Variants in PTPRF observed in about 807,000 individuals in gnomAD.
PTPRF encodes the protein receptor-type tyrosine-protein phosphatase F.
In PTPRF, 59 loss-of-function variants were observed where a neutral mutation model predicts 201.8. The ratio of observed to expected loss-of-function variants is 0.29; its 90% CI spans 0.24 to 0.36. PTPRF has a LOEUF of 0.36. Among genes scored for constraint, PTPRF ranks in the 10% least tolerant of loss-of-function variants. PTPRF has a pLI of 1.00. For synonymous variants in PTPRF, 1,088 were observed against 1,089.7 expected (o/e 1.00, Z 0.03); for missense variants, 2,132 against 2,690.5 (o/e 0.79, Z 4.59).
At chr1:43,579,030 C>T in intron 7 of PTPRF, 110 bp downstream of exon 7, 2 of 962,510 alleles carry the variant, frequency 2.1e-6, no homozygotes, top group African/African-American at 3.2e-5. Flanking sequence ...GCCATGGGCC[C>T]AGTCTCTTCT....
In PTPRF at chr1:43,588,343, A is replaced by G. The variant is rs937749138; in HGVS notation, c.680-388A>G. On this transcript the variant is annotated intron_variant, in intron 7 of 33. Coordinates refer to ENST00000359947, the MANE Select transcript of PTPRF (RefSeq NM_002840.5). The surrounding 1 kb of genome is among the most constrained non-coding windows in gnomAD (Gnocchi z 5.3). ...TCTCCTTGGTGCTCCAGCCAGGAGCAGGCAGAGATAGGCCCTGGAGAACAC... is the reference window on the plus strand; with the variant it reads ...TCTCCTTGGTGCTCCAGCCAGGAGCGGGCAGAGATAGGCCCTGGAGAACAC... Among the ~76,000 whole-genome samples the G allele has an allele frequency of 6.6e-6, 1 of 152,150 alleles. No homozygotes were observed. Among genetic ancestry groups the G allele is most frequent in the Non-Finnish European group, 1.5e-5 (1 of 68,016 alleles).
chr1:43,621,581 G>A (rs1055742393), intron 33 of PTPRF, among the ~76,000 whole-genome samples: 1 of 152,238 alleles, frequency 6.6e-6, no homozygotes. Flanking sequence ...GGATTGATGA[G>A]TAAGATGTGT....
intron 11 of PTPRF, among the ~76,000 whole-genome samples, chr1:43,595,472 G>A (rs974063783): frequency 1.3e-5 from 2 of 152,142 alleles, no homozygotes; most frequent in Non-Finnish European, 2.9e-5. Flanking sequence ...CGCCCGCCTC[G>A]ACCTCCCAAG....
In PTPRF at chr1:43,603,696, C is replaced by T. The variant is rs374615511; in HGVS notation, c.2544C>T (p.Gly848=). The T allele has an allele frequency of 8.0e-5, 129 of 1,613,574 alleles. No individual in the cohort carries two copies. The highest frequency in any genetic ancestry group is 1.0e-4 in the Non-Finnish European group (119 of 1,180,012). ...GGCACCCACCCAAGGAACTGCCTGG[C>T]GAGCTGCTGGGCTACCGGCTGCAGT... The part of the protein sequence containing the change: ...LQWHPPKELP[G]ELLGYRLQYC... The change falls in exon 16 of 34, where the codon GGC becomes GGT. Residue 848 remains glycine, a synonymous_variant. Transcript: ENST00000359947. This position sits in a 1 kb window ranked among gnomAD's most constrained non-coding sequence, Gnocchi z 5.8.
At chr1:43,618,912 G>T in intron 26 of PTPRF, 136 bp from the exon 27 acceptor site, 3 of 1,444,024 alleles carry the variant, frequency 2.1e-6, no homozygotes, top group Non-Finnish European at 2.8e-6. Flanking sequence ...ACAGTGCTAG[G>T]AGCTTCAGGC....
Position 43,603,943 on chromosome 1 carries a change from A to G in PTPRF, c.2791A>G (p.Thr931Ala). 1.2e-6 allele frequency: 2 copies of G among 1,614,076 alleles called. No homozygotes were observed. Among genetic ancestry groups the G allele is most frequent in the Non-Finnish European group, 8.5e-7 (1 of 1,180,026 alleles). ...NLHVTGLTTS[T>A]TELAWDPPVL... ...GCATGTGACAGGACTGACCACGTCT[A>G]CCACAGAACTGGCCTGGGACCCGCC... The change falls in exon 16 of 34, where the codon ACC becomes GCC. Residue 931 changes from threonine (T) to alanine (A), a missense_variant. Coordinates refer to ENST00000359947, the MANE Select transcript of PTPRF (RefSeq NM_002840.5). The surrounding 1 kb of genome is among the most constrained non-coding windows in gnomAD (Gnocchi z 5.8).
At chr1:43,621,626 G>A (rs1659237283) in intron 33 of PTPRF, among the ~76,000 whole-genome samples, 1 of 152,200 alleles carries the variant, frequency 6.6e-6, no homozygotes, top group Non-Finnish European at 1.5e-5. Flanking sequence ...GAGCCCCAGT[G>A]GTGTGCCTGG....
intron 5 of PTPRF, among the ~76,000 whole-genome samples, chr1:43,562,400 G>T (rs1023413521): frequency 6.7e-6 from 1 of 150,244 alleles, no homozygotes; most frequent in African/African-American, 2.5e-5. Flanking sequence ...GAGCCACCGC[G>T]CCTGGCCCTG....
chr1:43,542,225 T>G lies in PTPRF; in HGVS notation c.-45-2806T>G, dbSNP rs988025761. 6.6e-6 allele frequency among the ~76,000 whole-genome samples: 1 copy of G among 152,118 alleles called. No individual in the cohort carries two copies. The highest frequency in any genetic ancestry group is 6.5e-5 in the Admixed American group (1 of 15,276). On this transcript the variant is annotated intron_variant, in intron 2 of 33. Coordinates refer to ENST00000359947, the MANE Select transcript of PTPRF (RefSeq NM_002840.5). The surrounding 1 kb of genome is among the most constrained non-coding windows in gnomAD (Gnocchi z 5.2). ...CCGCCTGACACCAGGGCAGGCTCTG[T>G]GCCCGGAGTCTCAGGGCGGGAGGCA...
chr1:43,540,189 C>A (rs535371666), intron 2 of PTPRF, among the ~76,000 whole-genome samples: 9 of 152,314 alleles, frequency 5.9e-5, no homozygotes, highest in African/African-American at 2.2e-4. Context: ...AGCATCTCCC[C>A]GCTTTCCCCA....
chr1:43,595,434 G>C (rs2154018896), intron 11 of PTPRF, among the ~76,000 whole-genome samples: 1 of 152,170 alleles, frequency 6.6e-6, no homozygotes, highest in Non-Finnish European at 1.5e-5. Flanking sequence ...GTTAGCCAGG[G>C]TGGTCTGGAT....
chr1:43,580,606 G>A (rs1036668558), intron 7 of PTPRF, among the ~76,000 whole-genome samples: 2 of 152,198 alleles, frequency 1.3e-5, no homozygotes, highest in African/African-American at 2.4e-5. Flanking sequence ...AGTTGTAAGC[G>A]GCACAGCCTT....
At chr1:43,621,891 G>A (rs532939767) in intron 33 of PTPRF, 44 bp from the exon 34 acceptor site, 2 of 1,582,052 alleles carry the variant, frequency 1.3e-6, no homozygotes, top group East Asian at 2.2e-5. Context: ...TAGTGGGGGT[G>A]TCCACTGGCG....
At chr1:43,620,270 C>T (rs1260398077) in intron 30 of PTPRF, 49 bp downstream of exon 30, 2 of 1,607,198 alleles carry the variant, frequency 1.2e-6, no homozygotes, top group Admixed American at 3.4e-5. Context: ...GGGAGAACAC[C>T]AGCCACCCTT....
chr1:43,547,829 T>A (rs151007966), intron 3 of PTPRF, among the ~76,000 whole-genome samples: 3 of 152,306 alleles, frequency 2.0e-5, no homozygotes, highest in Admixed American at 6.5e-5. Flanking sequence ...TGGGGTAGGA[T>A]CTGCTGCAGC....
chr1:43,617,051 T>C (rs990780201), intron 23 of PTPRF, among the ~76,000 whole-genome samples: 9 of 151,934 alleles, frequency 5.9e-5, no homozygotes, highest in African/African-American at 2.2e-4. Context: ...TTTCATTAGG[T>C]GAATGCAGGG....
chr1:43,541,638 C>T (rs931929771), intron 2 of PTPRF, among the ~76,000 whole-genome samples: 1 of 152,176 alleles, frequency 6.6e-6, no homozygotes, highest in Admixed American at 6.5e-5. Context: ...TCTGCTGTCC[C>T]CATCATTTCA....
chr1:43,532,264 GC>G (rs1643638342), intron 1 of PTPRF, among the ~76,000 whole-genome samples: 1 of 152,140 alleles, frequency 6.6e-6, no homozygotes, highest in Non-Finnish European at 1.5e-5. Context: ...CCCATTTCAA[GC>G]CCCCCTGCCC....
chr1:43,613,530 C>T, intron 22 of PTPRF, 88 bp from the exon 23 acceptor site: 2 of 1,070,876 alleles, frequency 1.9e-6, no homozygotes, highest in Non-Finnish European at 2.9e-6. Context: ...CACATGTTCA[C>T]ATGTGCACAT....
Sources: allele counts gnomAD v4.1 joint callset (sites outside exome capture counted in the v4.1 genomes callset), GRCh38; gene constraint gnomAD v4.1.1; non-coding constraint Gnocchi (gnomAD v3.1); transcripts MANE v1.5; gene names NCBI Gene and HGNC (gene_info 2026-07-23, HGNC 2026-07-21).